PDPK1: variants seen among roughly 807,000 people sequenced by gnomAD.
PDPK1 encodes 3-phosphoinositide-dependent protein kinase 1.
In PDPK1, 7 loss-of-function variants were observed where a neutral mutation model predicts 39.8. The ratio of observed to expected loss-of-function variants is 0.18; its 90% CI spans 0.10 to 0.33. The LOEUF (loss-of-function observed/expected upper bound fraction) is 0.33, where lower values mean the gene tolerates loss of function less well. Ranked by LOEUF, PDPK1 falls within the 10% of genes least tolerant of loss-of-function variation. PDPK1 has a pLI of 1.00. For synonymous variants in PDPK1, 118 were observed against 159.1 expected (o/e 0.74, Z 1.95); for missense variants, 182 against 384.7 (o/e 0.47, Z 4.41).
At chr16:2,586,570 T>C in intron 10 of PDPK1, 106 bp from the exon 11 acceptor site, 2 of 917,588 alleles carry the variant, frequency 2.2e-6, no homozygotes, top group South Asian at 1.5e-5. Flanking sequence ...CGCCTTGCTG[T>C]GTGCGAGCTC....
In PDPK1 at chr16:2,597,407, C is replaced by T; in HGVS notation, c.1554+132C>T. The T allele has an allele frequency of 1.2e-6, 1 of 836,798 alleles. No individual in the cohort carries two copies. The highest frequency in any genetic ancestry group is 1.9e-6 in the Non-Finnish European group (1 of 521,780). The allele number at this position is 836,798 out of a possible 1,614,324, so 51.8% of individuals were successfully genotyped here. A position where few individuals can be genotyped will look rare whatever the true frequency, so the allele number is the denominator to read the frequency against. On this transcript the variant is annotated intron_variant, in intron 13 of 13. Transcript: ENST00000342085. This position sits in a 1 kb window ranked among gnomAD's most constrained non-coding sequence, Gnocchi z 6.3. ...AGCTGCCTCGCCCTTTCCGACATCC[C>T]AGACGCCCACACTAGTGGCTCAGTC...
intron 7 of PDPK1, chr16:2,580,038 C>T (rs2066793508): frequency 6.7e-6 from 1 of 149,726 alleles, no homozygotes; most frequent in African/African-American, 2.5e-5. Flanking sequence ...AATAATTGGG[C>T]GTACAGGTAT....
rs909162576 is a variant in PDPK1 at position 2,597,588 on chromosome 16, A to G, written c.1555-63A>G. 1.2e-5 allele frequency: 14 copies of G among 1,181,774 alleles called. No individual in the cohort carries two copies. The highest frequency in any genetic ancestry group is 1.8e-5 in the Non-Finnish European group (14 of 786,366). The allele number at this position is 1,181,774 out of a possible 1,614,324, so 73.2% of individuals were successfully genotyped here. ...AATGGCTGGTCGCAGGCAGCTCACC[A>G]GGTTGGGGTGGGGGTTTTGGTGGGA... On this transcript the variant is annotated intron_variant, in intron 13 of 13. Transcript: ENST00000342085. This position sits in a 1 kb window ranked among gnomAD's most constrained non-coding sequence, Gnocchi z 6.3.
intron 11 of PDPK1, among the ~76,000 whole-genome samples, chr16:2,587,171 C>G (rs746789729): frequency 4.1e-4 from 63 of 152,344 alleles, no homozygotes; most frequent in Middle Eastern, 3.4e-3. Flanking sequence ...ACAGACGCGG[C>G]CTGGACCTGG....
chr16:2,552,538 G>C (rs1477853805), intron 1 of PDPK1, among the ~76,000 whole-genome samples: 6 of 148,172 alleles, frequency 4.0e-5, no homozygotes, highest in South Asian at 2.2e-4. Flanking sequence ...ACCAGCACCT[G>C]GTGGTCCCAT....
chr16:2,595,898 C>G (rs760061971), intron 12 of PDPK1, 48 bp downstream of exon 12: 4 of 1,449,868 alleles, frequency 2.8e-6, no homozygotes, highest in Non-Finnish European at 3.9e-6. Context: ...CTGCATCTTC[C>G]CCGACTCCAG....
chr16:2,550,286 A>G (rs1419727787), intron 1 of PDPK1, among the ~76,000 whole-genome samples: 2 of 147,306 alleles, frequency 1.4e-5, no homozygotes, highest in Non-Finnish European at 3.0e-5. Flanking sequence ...AGTTATACCT[A>G]TAAGGGGCAC....
rs1443380302 is a variant in PDPK1 at position 2,600,803 on chromosome 16, C to G, written c.*3036C>G. On this transcript the variant is annotated 3_prime_UTR_variant, in exon 14 of 14. Coordinates refer to ENST00000342085, the MANE Select transcript of PDPK1 (RefSeq NM_002613.5). The stretch of plus-strand genomic sequence containing the variant: ...CTGACAAGATCAGCTGTAGGCTCAC[C>G]GGCCAGAGAAGACCACTGTGAGCAT... 5.4e-6 allele frequency: 1 copy of G among 185,660 alleles called. No homozygotes were observed. Among genetic ancestry groups the G allele is most frequent in the Admixed American group, 7.9e-5 (1 of 12,702 alleles). 11.5% of individuals were successfully genotyped at this position (185,660 alleles called of 1,614,324 possible). A position where few individuals can be genotyped will look rare whatever the true frequency, so the allele number is the denominator to read the frequency against.
chr16:2,538,188 C>T (rs1199823535), intron 1 of PDPK1, 52 bp downstream of exon 1: 2 of 1,001,584 alleles, frequency 2.0e-6, no homozygotes, highest in African/African-American at 1.8e-5. Flanking sequence ...CTGCCGGGTC[C>T]GGCGGCCGCC....
At position 2,584,773 on chromosome 16, in the gene PDPK1, A is replaced by G. The variant is rs112792471; in HGVS notation, c.1125+1188A>G. Among the ~76,000 whole-genome samples, 15 of 152,010 alleles carry G rather than the reference A, an allele frequency of 9.9e-5. 2 individuals are homozygous for G. Among genetic ancestry groups the G allele is most frequent in the African/African-American group, 3.6e-4 (15 of 41,466 alleles). ...GTGTAACGCCCCTCATCCTCCCGACATCCTTTGAGCCCAAACTCTAAGGGA... is the reference window on the plus strand; with the variant it reads ...GTGTAACGCCCCTCATCCTCCCGACGTCCTTTGAGCCCAAACTCTAAGGGA... On this transcript the variant is annotated intron_variant, in intron 10 of 13. Transcript: ENST00000342085.
Position 2,598,776 on chromosome 16 carries a change from G to C in PDPK1, c.*1009G>C. 1 of 233,320 alleles carries C rather than the reference G, an allele frequency of 4.3e-6. No individual in the cohort carries two copies. Among genetic ancestry groups the C allele is most frequent in the Non-Finnish European group, 8.5e-6 (1 of 118,088 alleles). 14.5% of individuals were successfully genotyped at this position (233,320 alleles called of 1,614,324 possible). A position where few individuals can be genotyped will look rare whatever the true frequency, so the allele number is the denominator to read the frequency against. On this transcript the variant is annotated 3_prime_UTR_variant, in exon 14 of 14. Coordinates refer to ENST00000342085, the MANE Select transcript of PDPK1 (RefSeq NM_002613.5). The stretch of plus-strand genomic sequence containing the variant: ...AGGGTCTGAGAGAACCCTGGCATCA[G>C]CAGACCCAGGGTGCTTCTGTCTCCT...
At position 2,598,754 on chromosome 16, in the gene PDPK1, G is replaced by A. The variant is rs1348601236; in HGVS notation, c.*987G>A. 4.3e-6 allele frequency: 1 copy of A among 233,228 alleles called. No individual in the cohort carries two copies. The highest frequency in any genetic ancestry group is 1.8e-4 in the South Asian group (1 of 5,538). The allele number at this position is 233,228 out of a possible 1,614,324, so 14.4% of individuals were successfully genotyped here. A position where few individuals can be genotyped will look rare whatever the true frequency, so the allele number is the denominator to read the frequency against. ...ACGCCTCTCCAGTTGCTGAAGTAGG[G>A]TCTGAGAGAACCCTGGCATCAGCAG... On this transcript the variant is annotated 3_prime_UTR_variant, in exon 14 of 14. Coordinates refer to ENST00000342085, the MANE Select transcript of PDPK1 (RefSeq NM_002613.5).
intron 1 of PDPK1, among the ~76,000 whole-genome samples, chr16:2,542,753 A>G (rs1420328732): frequency 1.3e-5 from 2 of 152,176 alleles, no homozygotes; most frequent in South Asian, 2.1e-4. Flanking sequence ...TGTAGCACGC[A>G]GGGATTCGAA....
At chr16:2,541,363 G>T (rs1257158867) in intron 1 of PDPK1, among the ~76,000 whole-genome samples, 1 of 152,158 alleles carries the variant, frequency 6.6e-6, no homozygotes, top group Non-Finnish European at 1.5e-5. Flanking sequence ...GGGAGACGGA[G>T]TCTGGCAAGC....
In PDPK1 at chr16:2,595,787, C is replaced by T. The variant is rs548974990; in HGVS notation, c.1344-6C>T. On this transcript the variant is annotated splice_polypyrimidine_tract_variant and splice_region_variant and intron_variant, in intron 11 of 13. Coordinates refer to ENST00000342085, the MANE Select transcript of PDPK1 (RefSeq NM_002613.5). The stretch of plus-strand genomic sequence containing the variant: ...GGGAGCATCTCTTTCTTGTTTCTTT[C>T]CACAGGCACCAGTTTGTAGAAAATA... 132 of 1,609,226 alleles carry T rather than the reference C, an allele frequency of 8.2e-5. 3 individuals are homozygous for T. In the South Asian group the frequency reaches 1.4e-3, roughly 17 times the overall value.
Position 2,538,029 on chromosome 16 carries a change from G to C in PDPK1, c.-84G>C, listed in dbSNP as rs1309200160. 1 of 567,298 alleles carries C rather than the reference G, an allele frequency of 1.8e-6. No individual in the cohort carries two copies. Among genetic ancestry groups the C allele is most frequent in the Non-Finnish European group, 2.3e-6 (1 of 440,154 alleles). The allele number at this position is 567,298 out of a possible 1,614,324, so 35.1% of individuals were successfully genotyped here. A position where few individuals can be genotyped will look rare whatever the true frequency, so the allele number is the denominator to read the frequency against. On this transcript the variant is annotated 5_prime_UTR_variant, in exon 1 of 14. Transcript: ENST00000342085. ...GCAGGATGAGGGCGGCCATTGCTGGGGCTCCGCTTCGGGGAGGAGGACGCT... is the reference window on the plus strand; with the variant it reads ...GCAGGATGAGGGCGGCCATTGCTGGCGCTCCGCTTCGGGGAGGAGGACGCT...
At chr16:2,586,408 C>T (rs987206380) in intron 10 of PDPK1, among the ~76,000 whole-genome samples, 1 of 152,278 alleles carries the variant, frequency 6.6e-6, no homozygotes, top group Admixed American at 6.5e-5. Flanking sequence ...CCCAGGTCCC[C>T]TCTTCCTGGA....
chr16:2,584,755 G>A (rs561998892), intron 10 of PDPK1, among the ~76,000 whole-genome samples: 1 of 151,982 alleles, frequency 6.6e-6, no homozygotes, highest in Non-Finnish European at 1.5e-5. Context: ...GCTGTGTAAC[G>A]CCCCTCATCC....
intron 11 of PDPK1, chr16:2,592,618 T>A (rs966095486): frequency 2.7e-6 from 1 of 368,880 alleles, no homozygotes; most frequent in African/African-American, 2.1e-5. Context: ...GAGGTTACAC[T>A]GGGCCAAGAT....
Sources: allele counts gnomAD v4.1 joint callset (sites outside exome capture counted in the v4.1 genomes callset), GRCh38; gene constraint gnomAD v4.1.1; non-coding constraint Gnocchi (gnomAD v3.1); transcripts MANE v1.5; gene names NCBI Gene and HGNC (gene_info 2026-07-23, HGNC 2026-07-21).